LARP6: variants seen among roughly 807,000 people sequenced by gnomAD.
LARP6 encodes the protein la-related protein 6.
Under a neutral mutation model 32.8 loss-of-function variants are expected in LARP6, and 18 were observed. That is an observed-to-expected ratio of 0.55 (90% CI 0.38 to 0.81). The LOEUF (loss-of-function observed/expected upper bound fraction) is 0.81. Ranked by LOEUF, LARP6 falls within the 40% of genes least tolerant of loss-of-function variation. LARP6 has a pLI of 0.00. For missense variants in LARP6, 598 were observed against 663.1 expected (o/e 0.90, Z 1.08); for synonymous variants, 289 against 267.2 (o/e 1.08, Z -0.80).
rs555256634 is a variant in LARP6, at chr15:70,848,945, G to A, written c.200+4944C>T. 15 of 152,172 alleles carry A rather than the reference G, an allele frequency of 9.9e-5. No individual in the cohort carries two copies. The East Asian group carries it at 2.7e-3, about 27-fold the overall frequency. 9.4% of individuals were successfully genotyped at this position (152,172 alleles called of 1,614,324 possible). A position where few individuals can be genotyped will look rare whatever the true frequency, so the allele number is the denominator to read the frequency against. On this transcript the variant is annotated intron_variant, in intron 1 of 2. Transcript: ENST00000299213. ...ACACATTGTAATACAAAGAAAATAAGTAATTATGTTAATGTTATTAGGAAC... is the reference window on the plus strand; with the variant it reads ...ACACATTGTAATACAAAGAAAATAAATAATTATGTTAATGTTATTAGGAAC...
At chr15:70,846,206 CAT>C (rs1567022911) in intron 1 of LARP6, among the ~76,000 whole-genome samples, 2 of 152,332 alleles carry the variant, frequency 1.3e-5, no homozygotes, top group Non-Finnish European at 2.9e-5. Context: ...TGCCATATTA[CAT>C]GTTTTGAAGA....
intron 2 of LARP6, 47 bp downstream of exon 2, chr15:70,836,248 A>G: frequency 6.4e-7 from 1 of 1,558,206 alleles, no homozygotes; most frequent in Non-Finnish European, 8.8e-7. Flanking sequence ...CCACAACCCA[A>G]AACAAACTTG....
rs777946100 is a variant in LARP6, at chr15:70,830,681, T to C, written c.*1371A>G. 1 of 152,220 alleles carries C rather than the reference T, an allele frequency of 6.6e-6. No individual in the cohort carries two copies. The highest frequency in any genetic ancestry group is 1.5e-5 in the Non-Finnish European group (1 of 68,038). 9.4% of individuals were successfully genotyped at this position (152,220 alleles called of 1,614,324 possible). A position where few individuals can be genotyped will look rare whatever the true frequency, so the allele number is the denominator to read the frequency against. ...TAGTTTTTGGGCAGATTAAATGAGA[T>C]AATGCATGGAAAGCTCTTAGCATAG... On this transcript the variant is annotated 3_prime_UTR_variant, in exon 3 of 3. Coordinates refer to ENST00000299213, the MANE Select transcript of LARP6 (RefSeq NM_018357.4).
intron 1 of LARP6, among the ~76,000 whole-genome samples, 171 bp from the exon 2 acceptor site, chr15:70,836,676 C>A (rs953692268): frequency 2.0e-5 from 3 of 152,134 alleles, no homozygotes; most frequent in African/African-American, 7.2e-5. Flanking sequence ...GTAGGGTGGA[C>A]CCCCTAATCC....
intron 2 of LARP6, among the ~76,000 whole-genome samples, chr15:70,835,632 T>C (rs1165924526): frequency 2.6e-5 from 4 of 152,196 alleles, no homozygotes; most frequent in African/African-American, 4.8e-5. Flanking sequence ...TTTTCCATTC[T>C]AGTAAATGCA....
intron 1 of LARP6, among the ~76,000 whole-genome samples, chr15:70,846,190 A>G (rs1274498491): frequency 6.6e-6 from 1 of 151,582 alleles, no homozygotes; most frequent in Non-Finnish European, 1.5e-5. Flanking sequence ...AGCCTCCTCC[A>G]CTCTGTGCCA....
intron 1 of LARP6, among the ~76,000 whole-genome samples, chr15:70,842,147 G>T (rs768912327): frequency 2.1e-4 from 32 of 152,200 alleles, no homozygotes; most frequent in Non-Finnish European, 3.8e-4. Flanking sequence ...CCAAGCTCAA[G>T]CAATCCTCCC....
chr15:70,833,980 GCCCACTT>G (rs1429264111), intron 2 of LARP6, among the ~76,000 whole-genome samples: 1 of 152,146 alleles, frequency 6.6e-6, no homozygotes, highest in Non-Finnish European at 1.5e-5. Flanking sequence ...TTTTCTAGAG[GCCCACTT>G]CCGGTGAAGG....
chr15:70,841,333 A>G (rs1312833469), intron 1 of LARP6, among the ~76,000 whole-genome samples: 2 of 152,216 alleles, frequency 1.3e-5, no homozygotes, highest in Non-Finnish European at 2.9e-5. Flanking sequence ...TGGAGAGGAT[A>G]GAGTTCATCC....
chr15:70,833,499 C>T (rs1263841322), intron 2 of LARP6, among the ~76,000 whole-genome samples: 2 of 152,182 alleles, frequency 1.3e-5, no homozygotes, highest in East Asian at 1.9e-4. Context: ...CTTAGTGCCT[C>T]GACTTGCCCT....
chr15:70,844,371 C>G (rs1435318820), intron 1 of LARP6, among the ~76,000 whole-genome samples: 1 of 152,206 alleles, frequency 6.6e-6, no homozygotes, highest in Non-Finnish European at 1.5e-5. Context: ...GTCCTACTCT[C>G]TCTTCCATCT....
At chr15:70,837,403 T>C (rs1417951129) in intron 1 of LARP6, among the ~76,000 whole-genome samples, 2 of 152,064 alleles carry the variant, frequency 1.3e-5, no homozygotes, top group Non-Finnish European at 2.9e-5. Flanking sequence ...TAATAATAAT[T>C]ATTATAATAA....
At chr15:70,843,969 T>C (rs1430362334) in intron 1 of LARP6, among the ~76,000 whole-genome samples, 2 of 148,790 alleles carry the variant, frequency 1.3e-5, no homozygotes, top group Non-Finnish European at 3.0e-5. Context: ...TTTTCTTTTT[T>C]TTTTTTTAAG....
rs141483948 is a variant in LARP6 at position 70,831,938 on chromosome 15, G to A, written c.*114C>T. On this transcript the variant is annotated 3_prime_UTR_variant, in exon 3 of 3. Transcript: ENST00000299213. ...GATAGATAAATTAAGAGGTCTACATGAATAAAAAATCTCTCAAAGGGGAAC... is the reference window on the plus strand; with the variant it reads ...GATAGATAAATTAAGAGGTCTACATAAATAAAAAATCTCTCAAAGGGGAAC... 1.4e-6 allele frequency: 1 copy of A among 734,714 alleles called. No homozygotes were observed. Among genetic ancestry groups the A allele is most frequent in the East Asian group, 2.7e-5 (1 of 37,430 alleles). 45.5% of individuals were successfully genotyped at this position (734,714 alleles called of 1,614,324 possible).
rs144710337 is a variant in LARP6 at position 70,846,621 on chromosome 15, A to AATAAATACATAC, written c.200+7267_200+7268insGTATGTATTTAT. On this transcript the variant is annotated intron_variant, in intron 1 of 2. Coordinates refer to ENST00000299213, the MANE Select transcript of LARP6 (RefSeq NM_018357.4). ...GAGACCCTGTCTCAAAAAATAAATAAATACATACATACATACATACATACA... is the reference window on the plus strand; with the variant it reads ...GAGACCCTGTCTCAAAAAATAAATAAATAAATACATACATACATACATACATACATACATACA... 2.9e-3 allele frequency among the ~76,000 whole-genome samples: 437 copies of AATAAATACATAC among 148,880 alleles called. 1 individual carries two copies. Among genetic ancestry groups the AATAAATACATAC allele is most frequent in the African/African-American group, 8.9e-3 (359 of 40,548 alleles).
chr15:70,845,565 T>C (rs1269649181), intron 1 of LARP6, among the ~76,000 whole-genome samples: 1 of 152,226 alleles, frequency 6.6e-6, no homozygotes, highest in East Asian at 1.9e-4. Flanking sequence ...AGGTAGTGTT[T>C]GTCGGGTTTC....
At chr15:70,839,771 G>A (rs1245822400) in intron 1 of LARP6, among the ~76,000 whole-genome samples, 2 of 152,068 alleles carry the variant, frequency 1.3e-5, no homozygotes. Flanking sequence ...TTACTCTAGA[G>A]GCTATAAAAA....
At chr15:70,839,037 A>C (rs1331909251) in intron 1 of LARP6, among the ~76,000 whole-genome samples, 1 of 152,184 alleles carries the variant, frequency 6.6e-6, no homozygotes, top group Non-Finnish European at 1.5e-5. Flanking sequence ...AATTATAATT[A>C]GTATAAAATA....
In LARP6 at chr15:70,836,441, C is replaced by T. The variant is rs764976072; in HGVS notation, c.265G>A (p.Asp89Asn). ...EDLEQEWKPPDEELIKKLVDQ... is the reference protein window; with the variant it reads ...EDLEQEWKPPNEELIKKLVDQ... The stretch of plus-strand genomic sequence containing the variant: ...ACCAGTTTCTTGATCAACTCCTCAT[C>T]CGGGGGCTTCCACTCCTGCTCCAGG... Residue 89 changes from aspartate (D) to asparagine (N), a missense_variant, in exon 2 of 3, where the codon GAT (aspartate) becomes AAT (asparagine). Transcript: ENST00000299213. 2 of 1,614,050 alleles carry T rather than the reference C, an allele frequency of 1.2e-6. No individual in the cohort carries two copies. Among genetic ancestry groups the T allele is most frequent in the African/African-American group, 2.7e-5 (2 of 74,910 alleles).
Sources: gnomAD v4.1 joint callset for allele counts (sites outside exome capture counted in the v4.1 genomes callset) on GRCh38, gnomAD v4.1.1 for gene constraint, MANE v1.5 for transcripts, NCBI Gene and HGNC (gene_info 2026-07-23, HGNC 2026-07-21) for gene names.